LRP1: variants seen among roughly 807,000 people sequenced by gnomAD.
LRP1 encodes the protein prolow-density lipoprotein receptor-related protein 1.
LRP1 carries 51 observed loss-of-function variants against 541.5 expected under a neutral mutation model. That is an observed-to-expected ratio of 0.09 (90% CI 0.08 to 0.12). The LOEUF (loss-of-function observed/expected upper bound fraction) is 0.12, where lower values mean the gene tolerates loss of function less well. LRP1 is among the 10% of genes least tolerant of loss of function. LRP1 has a pLI of 1.00. For missense variants in LRP1, 3,878 were observed against 6,376.2 expected (o/e 0.61, Z 13.34); for synonymous variants, 2,219 against 2,470.8 (o/e 0.90, Z 3.02).
In LRP1 at chr12:57,202,451, G is replaced by A. The variant is rs762152236; in HGVS notation, c.10625G>A (p.Arg3542His). Residue 3542 changes from arginine to histidine, a missense_variant, in exon 68 of 89, where the codon CGC becomes CAC. Around this residue, in one of 13 missense-constraint regions of LRP1, gnomAD observed 278 missense variants for 536.3 expected, o/e 0.52. Coordinates refer to ENST00000243077, the MANE Select transcript of LRP1 (RefSeq NM_002332.3). The stretch of plus-strand genomic sequence containing the variant: ...CGCACCTGTGAGCCATACCAGTTCC[G>A]CTGCAAGAACAACCGCTGCGTGCCC... Reference protein sequence around the residue: ...DERTCEPYQFRCKNNRCVPGR... With the variant: ...DERTCEPYQFHCKNNRCVPGR... The A allele has an allele frequency of 1.4e-5, 23 of 1,613,422 alleles. No homozygotes were observed. The highest frequency in any genetic ancestry group is 2.7e-5 in the African/African-American group (2 of 74,900).
intron 60 of LRP1, 45 bp from the exon 61 acceptor site, chr12:57,199,167 C>T (rs765934207): frequency 5.6e-5 from 88 of 1,585,538 alleles, no homozygotes; most frequent in Middle Eastern, 1.7e-4. Flanking sequence ...GCACCCTGTC[C>T]GAGCTCCGGC....
chr12:57,207,315 AAAT>A (rs536934187), intron 76 of LRP1, among the ~76,000 whole-genome samples: 20 of 134,002 alleles, frequency 1.5e-4, no homozygotes, highest in African/African-American at 2.7e-4. Flanking sequence ...ATAAATAAAT[AAAT>A]AAATAAAATA....
Position 57,177,863 on chromosome 12 carries a change from T to C in LRP1, c.4361+272T>C, listed in dbSNP as rs1190648702. The stretch of plus-strand genomic sequence containing the variant: ...CACTCACCTGTCCTCTCCACTCTGT[T>C]CCCTCTGCTGGGGCTGTGTCTGCCC... On this transcript the variant is annotated intron_variant, in intron 26 of 88. Coordinates refer to ENST00000243077, the MANE Select transcript of LRP1 (RefSeq NM_002332.3). The surrounding 1 kb of genome is among the most constrained non-coding windows in gnomAD (Gnocchi z 6.8). Among the ~76,000 whole-genome samples, 2 of 152,006 alleles carry C rather than the reference T, an allele frequency of 1.3e-5. No homozygotes were observed. The highest frequency in any genetic ancestry group is 2.9e-5 in the Non-Finnish European group (2 of 68,004).
Position 57,173,021 on chromosome 12 carries a change from G to A in LRP1, c.3164-147G>A. On this transcript the variant is annotated intron_variant, in intron 20 of 88. Transcript: ENST00000243077. This position sits in a 1 kb window ranked among gnomAD's most constrained non-coding sequence, Gnocchi z 4.7. The stretch of plus-strand genomic sequence containing the variant: ...TCTACTACTGAGTTGGTGCTTCCAA[G>A]GAGTGTCAGCAAAGCTTGGCAGACT... 1 of 614,286 alleles carries A rather than the reference G, an allele frequency of 1.6e-6. No individual in the cohort carries two copies. The allele number at this position is 614,286 out of a possible 1,614,324, so 38.1% of individuals were successfully genotyped here.
intron 20 of LRP1, among the ~76,000 whole-genome samples, chr12:57,172,703 C>T (rs1302925501): frequency 6.6e-6 from 1 of 152,186 alleles, no homozygotes; most frequent in East Asian, 1.9e-4. Context: ...TTTATCAATA[C>T]CTGAAATTAC....
At chr12:57,168,682 C>T (rs1175778041) in intron 19 of LRP1, among the ~76,000 whole-genome samples, 4 of 152,026 alleles carry the variant, frequency 2.6e-5, no homozygotes, top group African/African-American at 9.7e-5. Context: ...CAGGCAGGGC[C>T]CCTGTAAGCC....
chr12:57,201,801 A>C lies in LRP1; in HGVS notation c.10490A>C (p.Asp3497Ala), dbSNP rs1395669227. The change falls in exon 67 of 89, where the codon GAC becomes GCC. Residue 3497 changes from aspartate (D) to alanine (A), a missense_variant. Physicochemically the swap from Asp to Ala is moderately radical, Grantham distance 126. Around this residue, in one of 13 missense-constraint regions of LRP1, gnomAD observed 278 missense variants for 536.3 expected, o/e 0.52. Coordinates refer to ENST00000243077, the MANE Select transcript of LRP1 (RefSeq NM_002332.3). The surrounding 1 kb of genome is among the most constrained non-coding windows in gnomAD (Gnocchi z 6.4). ...ANCTQMTCGVDEFRCKDSGRC... is the reference protein window; with the variant it reads ...ANCTQMTCGVAEFRCKDSGRC... ...GCAGCCCAGATGACCTGTGGTGTGG[A>C]CGAGTTCCGCTGCAAGGATTCGGGC... The C allele has an allele frequency of 1.9e-6, 3 of 1,613,894 alleles. No homozygotes were observed. Among genetic ancestry groups the C allele is most frequent in the Non-Finnish European group, 2.5e-6 (3 of 1,179,966 alleles).
chr12:57,139,020 C>T (rs955718651), intron 2 of LRP1, among the ~76,000 whole-genome samples: 1 of 152,218 alleles, frequency 6.6e-6, no homozygotes, highest in Non-Finnish European at 1.5e-5. Flanking sequence ...GAAGCCCCAC[C>T]CCTGTGCTCT....
intron 1 of LRP1, among the ~76,000 whole-genome samples, chr12:57,137,031 T>C (rs10876964): frequency 0.31 from 47,264 of 151,914 alleles, 7,862 homozygotes; most frequent in Admixed American, 0.45. Flanking sequence ...CAGATGAGGT[T>C]GGGAGTTCGA....
chr12:57,143,626 T>G (rs1419141896), intron 3 of LRP1, 53 bp from the exon 4 acceptor site: 25 of 1,586,636 alleles, frequency 1.6e-5, no homozygotes, highest in Non-Finnish European at 2.1e-5. Flanking sequence ...GTGGCCTGCG[T>G]GGAGCTGCCA....
At chr12:57,157,988 G>A (rs753351465) in intron 10 of LRP1, among the ~76,000 whole-genome samples, 1 of 152,212 alleles carries the variant, frequency 6.6e-6, no homozygotes. Context: ...GGGATGGGCA[G>A]TAGGGAAGTA....
chr12:57,211,461 C>T lies in LRP1; in HGVS notation c.13092-26C>T. On this transcript the variant is annotated intron_variant, in intron 84 of 88. Transcript: ENST00000243077. This position sits in a 1 kb window ranked among gnomAD's most constrained non-coding sequence, Gnocchi z 4.3. ...CCAGGCACGCCTCTGCCAGCCCCAG[C>T]CCCAGCCTCTGATTCCTTCCTGCAG... The T allele has an allele frequency of 6.2e-7, 1 of 1,612,130 alleles. No homozygotes were observed. Among genetic ancestry groups the T allele is most frequent in the Admixed American group, 1.7e-5 (1 of 60,024 alleles).
intron 6 of LRP1, among the ~76,000 whole-genome samples, chr12:57,148,053 G>T (rs913313030): frequency 1.3e-5 from 2 of 152,140 alleles, no homozygotes; most frequent in Non-Finnish European, 2.9e-5. Context: ...AGCCGGAAGA[G>T]AAGGCAAGAC....
Position 57,205,741 on chromosome 12 carries a change from GC to G in LRP1, c.11590+66del, listed in dbSNP as rs1322904268. The G allele has an allele frequency of 3.1e-6, 5 of 1,588,582 alleles. No homozygotes were observed. In the African/African-American group the frequency reaches 5.4e-5, roughly 17 times the overall value. Reference sequence around the variant, plus strand: ...CAGGGCGACCAGGATATCAAACGGGGCCGACTTGGAATGGAATGTCTTCCTG... The same window carrying G: ...CAGGGCGACCAGGATATCAAACGGGGCGACTTGGAATGGAATGTCTTCCTG... On this transcript the variant is annotated intron_variant, in intron 75 of 88. Transcript: ENST00000243077. This position sits in a 1 kb window ranked among gnomAD's most constrained non-coding sequence, Gnocchi z 4.6.
chr12:57,149,558 G>T, intron 6 of LRP1: 1 of 678,126 alleles, frequency 1.5e-6, no homozygotes, highest in Non-Finnish European at 2.7e-6. Context: ...ATAGAGGGAA[G>T]ACCCTAAGAT....
chr12:57,179,621 C>A lies in LRP1; in HGVS notation c.4966+65C>A. On this transcript the variant is annotated intron_variant, in intron 29 of 88. Coordinates refer to ENST00000243077, the MANE Select transcript of LRP1 (RefSeq NM_002332.3). The surrounding 1 kb of genome is among the most constrained non-coding windows in gnomAD (Gnocchi z 6.8). ...ACCTCCACCCGCCCCTTGCTCCCAA[C>A]CCTGGTCTACTTGGTCCGAGTGGTC... is the stretch of plus-strand genomic sequence containing the variant. 1 of 1,501,312 alleles carries A rather than the reference C, an allele frequency of 6.7e-7. No individual in the cohort carries two copies. The highest frequency in any genetic ancestry group is 1.1e-5 in the South Asian group (1 of 87,116). The allele number at this position is 1,501,312 out of a possible 1,614,324, so 93.0% of individuals were successfully genotyped here.
Position 57,195,789 on chromosome 12 carries a change from T to TCGG in LRP1, c.8560+13_8560+15dup. 1 of 1,614,106 alleles carries TCGG rather than the reference T, an allele frequency of 6.2e-7. No individual in the cohort carries two copies. Among genetic ancestry groups the TCGG allele is most frequent in the Non-Finnish European group, 8.5e-7 (1 of 1,179,990 alleles). ...TGAGTCCCCCGAGTGTGGTGAGCCT[T>TCGG]CGGCGGTGGTGGGAGGAGGCCCTGC... On this transcript the variant is annotated intron_variant, in intron 53 of 88. Coordinates refer to ENST00000243077, the MANE Select transcript of LRP1 (RefSeq NM_002332.3).
chr12:57,146,875 G>T (rs544328449), intron 6 of LRP1, among the ~76,000 whole-genome samples: 14 of 152,122 alleles, frequency 9.2e-5, no homozygotes, highest in Non-Finnish European at 2.1e-4. Context: ...CCCTCCCCCT[G>T]TTCCTTGTCC....
At chr12:57,191,160 CT>C in intron 43 of LRP1, 151 bp downstream of exon 43, 1 of 1,115,252 alleles carries the variant, frequency 9.0e-7, no homozygotes, top group African/African-American at 1.5e-5. Context: ...CAACCCCACC[CT>C]GTCCAGCTTG....
Sources: gnomAD v4.1 joint callset for allele counts (sites outside exome capture counted in the v4.1 genomes callset) on GRCh38, gnomAD v4.1.1 for gene constraint, gnomAD v4.1.1 regional missense constraint, Gnocchi (gnomAD v3.1) non-coding constraint, MANE v1.5 for transcripts, NCBI Gene and HGNC (gene_info 2026-07-23, HGNC 2026-07-21) for gene names.